The following WDR35 variants were observed in gnomAD, a reference collection of about 807,000 sequenced individuals.
The protein encoded by WDR35 is WD repeat domain 35, also known as WD repeat-containing protein 35.
Under a neutral mutation model 158.3 loss-of-function variants are expected in WDR35, and 118 were observed. That is an observed-to-expected ratio of 0.75 (90% CI 0.64 to 0.87). The LOEUF (loss-of-function observed/expected upper bound fraction) is 0.87, where lower values mean the gene tolerates loss of function less well. Ranked by LOEUF, WDR35 falls within the 40% of genes least tolerant of loss-of-function variation. The pLI is 0.00. For synonymous variants in WDR35, 448 were observed against 476.1 expected (o/e 0.94, Z 0.77); for missense variants, 1,263 against 1,405.8 (o/e 0.90, Z 1.62).
At chr2:19,952,238 C>G (rs148051524) in intron 12 of WDR35, among the ~76,000 whole-genome samples, 186 of 152,278 alleles carry the variant, frequency 1.2e-3, no homozygotes, top group African/African-American at 4.3e-3. Context: ...CATTATTTAG[C>G]TTCCACTGGT....
At chr2:19,989,036 T>C (rs1448192386) in intron 2 of WDR35, 129 bp downstream of exon 2, 3 of 859,670 alleles carry the variant, frequency 3.5e-6, no homozygotes, top group Non-Finnish European at 5.9e-6. Context: ...AAAAACACCA[T>C]AAAATGTTTT....
intron 11 of WDR35, among the ~76,000 whole-genome samples, chr2:19,957,913 T>C (rs924356377): frequency 2.0e-5 from 3 of 152,206 alleles, no homozygotes; most frequent in Non-Finnish European, 4.4e-5. Context: ...GTAATGCTAA[T>C]AGGCAGTCAT....
chr2:19,962,413 C>T, intron 10 of WDR35: 1 of 1,342,210 alleles, frequency 7.5e-7, no homozygotes, highest in South Asian at 1.2e-5. Context: ...ATGAAAGTGG[C>T]TTATATACAA....
intron 19 of WDR35, among the ~76,000 whole-genome samples, chr2:19,936,692 G>T (rs1164190448): frequency 6.6e-6 from 1 of 152,136 alleles, no homozygotes; most frequent in East Asian, 1.9e-4. Flanking sequence ...CAGAGAATTT[G>T]CCCCTTTTGC....
At chr2:19,913,738 A>G in intron 26 of WDR35, 30 bp from the exon 27 acceptor site, 1 of 1,613,914 alleles carries the variant, frequency 6.2e-7, no homozygotes, top group South Asian at 1.1e-5. Context: ...AATTCATTAT[A>G]CTTTAAAACT....
chr2:19,944,932 T>C (rs1424564439), intron 16 of WDR35, among the ~76,000 whole-genome samples: 1 of 152,150 alleles, frequency 6.6e-6, no homozygotes, highest in Non-Finnish European at 1.5e-5. Context: ...AAATGGAAAT[T>C]AATGATATAA....
chr2:19,954,217 C>G (rs182720067), intron 11 of WDR35, among the ~76,000 whole-genome samples: 97 of 152,294 alleles, frequency 6.4e-4, no homozygotes, highest in African/African-American at 2.1e-3. Context: ...ACCATAAACA[C>G]TTAAAGAAAA....
rs1481735154 is a variant in WDR35, at chr2:19,913,695, GTTTCCC to G, written c.3370_3375del (p.Gly1124_Lys1125del). The G allele has an allele frequency of 6.2e-7, 1 of 1,613,832 alleles. No homozygotes were observed. Among genetic ancestry groups the G allele is most frequent in the East Asian group, 2.2e-5 (1 of 44,874 alleles). ...CTTCCTGTGGCAACGCATGTTGGCA[GTTTCCC>G]TTCTCCACTGTAAAACGGGGAGAAA... On this transcript the variant is annotated inframe_deletion, in exon 27 of 27. Coordinates refer to ENST00000281405, the MANE Select transcript of WDR35 (RefSeq NM_020779.4).
chr2:19,925,057 C>T (rs1179160408), intron 25 of WDR35, among the ~76,000 whole-genome samples: 1 of 152,218 alleles, frequency 6.6e-6, no homozygotes, highest in African/African-American at 2.4e-5. Context: ...TTCCCTCACC[C>T]CTGTACAATG....
chr2:19,974,807 T>C (rs1672153114), intron 6 of WDR35, among the ~76,000 whole-genome samples, 174 bp from the exon 7 acceptor site: 1 of 152,182 alleles, frequency 6.6e-6, no homozygotes. Context: ...CACCTAAATG[T>C]CCATTTTCCC....
chr2:19,938,136 C>T, intron 18 of WDR35, 129 bp downstream of exon 18: 1 of 1,448,326 alleles, frequency 6.9e-7, no homozygotes, highest in Non-Finnish European at 9.5e-7. Context: ...TGAATTTCTA[C>T]ATCTTAAAAA....
chr2:19,964,317 T>C (rs1336340646), intron 10 of WDR35, among the ~76,000 whole-genome samples: 1 of 152,034 alleles, frequency 6.6e-6, no homozygotes, highest in Non-Finnish European at 1.5e-5. Context: ...TCATACTTAC[T>C]GCCCTGTATT....
At chr2:19,930,610 T>C (rs535835554) in intron 24 of WDR35, 58 bp from the exon 25 acceptor site, 13 of 1,608,804 alleles carry the variant, frequency 8.1e-6, no homozygotes, top group Non-Finnish European at 1.1e-5. Context: ...CAGTGTCAAC[T>C]CCCAAATAAC....
intron 25 of WDR35, among the ~76,000 whole-genome samples, chr2:19,923,809 C>A (rs764471184): frequency 1.2e-4 from 19 of 152,144 alleles, no homozygotes; most frequent in Non-Finnish European, 2.6e-4. Flanking sequence ...TACATTTGAG[C>A]CTTTTCCTTT....
rs1018612874 is a variant in WDR35 at position 19,938,180 on chromosome 2, A to C, written c.2063+85T>G. 25 of 1,552,232 alleles carry C rather than the reference A, an allele frequency of 1.6e-5. No individual in the cohort carries two copies. In the East Asian group the frequency reaches 5.4e-4, roughly 33 times the overall value. On this transcript the variant is annotated intron_variant, in intron 18 of 26. Transcript: ENST00000281405. The stretch of plus-strand genomic sequence containing the variant: ...AGAATGGAAGTCTGCTCCCATCAGG[A>C]GGATAGTAGGGGAGCAGAGGGACAA...
At chr2:19,961,779 T>C (rs1249259604) in intron 10 of WDR35, among the ~76,000 whole-genome samples, 3 of 152,156 alleles carry the variant, frequency 2.0e-5, no homozygotes, top group Non-Finnish European at 4.4e-5. Context: ...GAGAATGTCT[T>C]GAGAAAGTCA....
chr2:19,967,524 G>A (rs937076120), intron 9 of WDR35, among the ~76,000 whole-genome samples: 3 of 151,742 alleles, frequency 2.0e-5, no homozygotes, highest in African/African-American at 7.3e-5. Context: ...CACACTTACA[G>A]CTTTCCCTTC....
chr2:19,928,809 A>ATT (rs35345285), intron 25 of WDR35, among the ~76,000 whole-genome samples: 2 of 144,756 alleles, frequency 1.4e-5, no homozygotes, highest in Non-Finnish European at 3.1e-5. Context: ...GGAAGATACT[A>ATT]TTTTTTTTTT....
intron 25 of WDR35, among the ~76,000 whole-genome samples, chr2:19,921,928 T>C (rs1670180522): frequency 2.0e-5 from 3 of 152,194 alleles, no homozygotes; most frequent in Admixed American, 2.0e-4. Flanking sequence ...ACAGAAACTT[T>C]TCAAAAGAAG....
Sources: allele counts gnomAD v4.1 joint callset (sites outside exome capture counted in the v4.1 genomes callset), GRCh38; gene constraint gnomAD v4.1.1; transcripts MANE v1.5; gene names NCBI Gene and HGNC (gene_info 2026-07-23, HGNC 2026-07-21).